Variants in RANBP17 observed in about 807,000 individuals in gnomAD.
RANBP17 encodes RAN binding protein 17, also known as ran-binding protein 17.
A neutral mutation model predicts 141.2 loss-of-function variants in RANBP17; 158 were observed. The observed-to-expected ratio is 1.12, with a 90% CI of 0.98 to 1.28. The LOEUF (loss-of-function observed/expected upper bound fraction) is 1.28, where lower values mean the gene tolerates loss of function less well. Among genes scored for constraint, RANBP17 ranks in the 50% most tolerant of loss-of-function variants. RANBP17 has a pLI of 0.00. For synonymous variants in RANBP17, 430 were observed against 450.0 expected (o/e 0.96, Z 0.56); for missense variants, 1,438 against 1,290.7 (o/e 1.11, Z -1.75).
chr5:170,871,114 T>C (rs1767682484), intron 1 of RANBP17, among the ~76,000 whole-genome samples: 1 of 152,198 alleles, frequency 6.6e-6, no homozygotes, highest in African/African-American at 2.4e-5. Flanking sequence ...AATGGCACAA[T>C]CTTGGCTCAT....
intron 4 of RANBP17, among the ~76,000 whole-genome samples, chr5:170,892,818 A>G (rs1312204334): frequency 6.6e-6 from 1 of 152,208 alleles, no homozygotes; most frequent in Non-Finnish European, 1.5e-5. Flanking sequence ...ATGTCTATGT[A>G]CTGTATATAT....
chr5:171,104,557 A>G (rs1754643992), intron 14 of RANBP17, among the ~76,000 whole-genome samples: 1 of 152,232 alleles, frequency 6.6e-6, no homozygotes, highest in Admixed American at 6.5e-5. Context: ...TATTTTCCAC[A>G]GAACAGAAAT....
intron 14 of RANBP17, among the ~76,000 whole-genome samples, chr5:170,998,391 G>A (rs1236994609): frequency 6.6e-6 from 1 of 152,048 alleles, no homozygotes; most frequent in East Asian, 1.9e-4. Context: ...ATAAACTTTG[G>A]TTTGCTTTTT....
chr5:171,029,021 G>T, intron 14 of RANBP17: 1 of 1,006,746 alleles, frequency 9.9e-7, no homozygotes, highest in Non-Finnish European at 1.3e-6. Flanking sequence ...TGTTAAGCCA[G>T]TTCTTTTCTG....
intron 14 of RANBP17, among the ~76,000 whole-genome samples, chr5:171,147,097 GA>G (rs1393063263): frequency 1.3e-5 from 2 of 152,152 alleles, no homozygotes; most frequent in Admixed American, 1.3e-4. Context: ...CAATTTGGGA[GA>G]GGGGTGCCAC....
At chr5:171,137,917 C>A (rs1009236138) in intron 14 of RANBP17, among the ~76,000 whole-genome samples, 10 of 148,066 alleles carry the variant, frequency 6.8e-5, no homozygotes, top group Non-Finnish European at 1.5e-4. Flanking sequence ...AAATATATAT[C>A]TACTCTATAT....
At chr5:171,163,340 T>A (rs74921195) in intron 14 of RANBP17, among the ~76,000 whole-genome samples, 1,585 of 152,282 alleles carry the variant, frequency 0.01, 24 homozygotes, top group African/African-American at 0.037. Context: ...ATAAGTTAAT[T>A]GTGATTATCA....
intron 14 of RANBP17, among the ~76,000 whole-genome samples, chr5:171,125,999 GC>G (rs1450417649): frequency 2.0e-5 from 3 of 152,076 alleles, no homozygotes; most frequent in Admixed American, 6.6e-5. Flanking sequence ...TGTTGGCCAG[GC>G]TGGTCTCAAA....
At chr5:171,234,052 TAAAA>T (rs755497554) in intron 22 of RANBP17, among the ~76,000 whole-genome samples, 3 of 138,300 alleles carry the variant, frequency 2.2e-5, no homozygotes, top group Non-Finnish European at 3.1e-5. Context: ...CTCCTTATTG[TAAAA>T]AAAAAAAAAA....
chr5:171,120,735 T>G (rs893433571), intron 14 of RANBP17, among the ~76,000 whole-genome samples: 1 of 152,250 alleles, frequency 6.6e-6, no homozygotes, highest in Admixed American at 6.5e-5. Flanking sequence ...AGTCTGTTAC[T>G]GGTGAATTAT....
chr5:171,177,095 A>G (rs953221445), intron 16 of RANBP17, among the ~76,000 whole-genome samples: 1 of 152,202 alleles, frequency 6.6e-6, no homozygotes, highest in African/African-American at 2.4e-5. Flanking sequence ...AACTAGTTTC[A>G]GCTTACATCC....
At chr5:170,917,937 A>G (rs1340769462) in intron 9 of RANBP17, among the ~76,000 whole-genome samples, 1 of 152,148 alleles carries the variant, frequency 6.6e-6, no homozygotes, top group Non-Finnish European at 1.5e-5. Flanking sequence ...TATTTTCTAT[A>G]TATTTCATGG....
At chr5:171,016,428 T>G (rs1780438924) in intron 14 of RANBP17, among the ~76,000 whole-genome samples, 1 of 152,112 alleles carries the variant, frequency 6.6e-6, no homozygotes, top group African/African-American at 2.4e-5. Context: ...GTTTGCTGAC[T>G]TCTCTTTAGA....
At chr5:171,147,768 G>C (rs535897205) in intron 14 of RANBP17, among the ~76,000 whole-genome samples, 1 of 152,130 alleles carries the variant, frequency 6.6e-6, no homozygotes, top group East Asian at 1.9e-4. Context: ...TCTCAGGTGG[G>C]GGGGTCAGCC....
rs191417058 is a variant in RANBP17, at chr5:171,127,350, A to G, written c.1711-42780A>G. 1.2e-3 allele frequency among the ~76,000 whole-genome samples: 186 copies of G among 152,320 alleles called. 2 individuals are homozygous for G. Among genetic ancestry groups the G allele is most frequent in the Non-Finnish European group, 1.7e-3 (113 of 68,020 alleles). On this transcript the variant is annotated intron_variant, in intron 14 of 27. Coordinates refer to ENST00000523189, the MANE Select transcript of RANBP17 (RefSeq NM_022897.5). Reference sequence around the variant, plus strand: ...AACATAAGAAAAGCTATGTATGACAAACCCACAGCTAACAAACTGAACTGG... The same window carrying G: ...AACATAAGAAAAGCTATGTATGACAGACCCACAGCTAACAAACTGAACTGG...
chr5:171,012,667 A>G (rs956520673), intron 14 of RANBP17, among the ~76,000 whole-genome samples: 2 of 152,184 alleles, frequency 1.3e-5, no homozygotes, highest in East Asian at 1.9e-4. Flanking sequence ...AGAGAAAGTA[A>G]TAACAGTATT....
rs184418198 is a variant in RANBP17 at position 171,178,627 on chromosome 5, A to G, written c.1866-4540A>G. ...TTCCACAATGGTTGAACTAGTTTAC[A>G]CTCCCACCAACAGTGTAAAGGCATT... On this transcript the variant is annotated intron_variant, in intron 16 of 27. Coordinates refer to ENST00000523189, the MANE Select transcript of RANBP17 (RefSeq NM_022897.5). Among the ~76,000 whole-genome samples, 7 of 152,182 alleles carry G rather than the reference A, an allele frequency of 4.6e-5. No homozygotes were observed. The East Asian group carries it at 1.2e-3, about 25-fold the overall frequency.
intron 14 of RANBP17, among the ~76,000 whole-genome samples, chr5:171,005,612 T>TAA (rs1377820957): frequency 6.6e-6 from 1 of 152,188 alleles, no homozygotes; most frequent in East Asian, 1.9e-4. Context: ...ATTAAAGACT[T>TAA]ACATGTTAGA....
Position 170,924,341 on chromosome 5 carries a change from TA to T in RANBP17, c.1275-15del. On this transcript the variant is annotated splice_polypyrimidine_tract_variant and intron_variant, in intron 11 of 27. Coordinates refer to ENST00000523189, the MANE Select transcript of RANBP17 (RefSeq NM_022897.5). ...CACATTCTAATGTTGTCTGCAAACT[TA>T]TTCTGTGTTTGCAGAGATCACTTAG... 6.6e-7 allele frequency: 1 copy of T among 1,521,688 alleles called. No homozygotes were observed. Among genetic ancestry groups the T allele is most frequent in the Non-Finnish European group, 9.0e-7 (1 of 1,112,130 alleles). The allele number at this position is 1,521,688 out of a possible 1,614,324, so 94.3% of individuals were successfully genotyped here.
Sources: allele counts gnomAD v4.1 joint callset (sites outside exome capture counted in the v4.1 genomes callset), GRCh38; gene constraint gnomAD v4.1.1; transcripts MANE v1.5; gene names NCBI Gene and HGNC (gene_info 2026-07-23, HGNC 2026-07-21).